Variants in SGCZ observed in about 807,000 individuals in gnomAD.
The protein encoded by SGCZ is zeta-sarcoglycan.
A neutral mutation model predicts 41.3 loss-of-function variants in SGCZ; 40 were observed. The observed-to-expected ratio is 0.97, with a 90% confidence interval of 0.75 to 1.26. The LOEUF (loss-of-function observed/expected upper bound fraction) is 1.26, where lower values mean the gene tolerates loss of function less well. Ranked by LOEUF, SGCZ falls within the 50% of genes most tolerant of loss-of-function variation. SGCZ has a pLI of 0.00. For missense variants in SGCZ, 552 were observed against 369.8 expected (o/e 1.49, Z -4.04); for synonymous variants, 206 against 137.5 (o/e 1.50, Z -3.49).
At chr8:14,413,503 T>C (rs902003908) in intron 2 of SGCZ, among the ~76,000 whole-genome samples, 16 of 152,014 alleles carry the variant, frequency 1.1e-4, no homozygotes, top group Admixed American at 5.3e-4. Flanking sequence ...CTGAGTGCAA[T>C]AATCTTATAC....
intron 1 of SGCZ, among the ~76,000 whole-genome samples, chr8:14,896,914 T>G (rs1805222082): frequency 6.6e-6 from 1 of 152,222 alleles, no homozygotes; most frequent in Non-Finnish European, 1.5e-5. Flanking sequence ...CCTGAGTAGC[T>G]GGGATTACAG....
chr8:14,947,528 G>C (rs1469366358), intron 1 of SGCZ, among the ~76,000 whole-genome samples: 5 of 152,134 alleles, frequency 3.3e-5, no homozygotes, highest in Non-Finnish European at 7.4e-5. Context: ...TGAGGTAAGG[G>C]ACAGTGTTGA....
At chr8:15,016,870 A>G (rs1352544914) in intron 1 of SGCZ, among the ~76,000 whole-genome samples, 1 of 150,234 alleles carries the variant, frequency 6.7e-6, no homozygotes, top group Admixed American at 6.6e-5. Flanking sequence ...GTCATTTGGC[A>G]AGAGAGAGAG....
At position 15,222,942 on chromosome 8, in the gene SGCZ, A is replaced by G. The variant is rs77844376; in HGVS notation, c.39+14643T>C. 2.0e-5 allele frequency among the ~76,000 whole-genome samples: 3 copies of G among 152,318 alleles called. No individual in the cohort carries two copies. The East Asian group carries it at 5.8e-4, about 29-fold the overall frequency. On this transcript the variant is annotated intron_variant, in intron 1 of 7. Coordinates refer to ENST00000382080, the MANE Select transcript of SGCZ (RefSeq NM_139167.4). ...ACATTCAATTTTAGTTACAAATTGC[A>G]TGAGTTTCATGAAAGCATAGTTTGA...
At chr8:14,361,902 C>T (rs894262573) in intron 2 of SGCZ, among the ~76,000 whole-genome samples, 2 of 152,090 alleles carry the variant, frequency 1.3e-5, no homozygotes, top group African/African-American at 2.4e-5. Flanking sequence ...GATGCTGTTC[C>T]TTTCTGTTTG....
At chr8:14,732,942 A>G (rs1264279371) in intron 1 of SGCZ, among the ~76,000 whole-genome samples, 1 of 151,976 alleles carries the variant, frequency 6.6e-6, no homozygotes, top group Non-Finnish European at 1.5e-5. Context: ...ACAAAATAAG[A>G]TTCGCATTGA....
At chr8:14,694,773 C>A (rs1289509214) in intron 1 of SGCZ, among the ~76,000 whole-genome samples, 2 of 152,120 alleles carry the variant, frequency 1.3e-5, no homozygotes, top group Non-Finnish European at 2.9e-5. Context: ...CAAAAATGTT[C>A]TTTTCACATT....
chr8:14,352,161 G>A (rs1021010731), intron 2 of SGCZ, among the ~76,000 whole-genome samples: 1 of 151,982 alleles, frequency 6.6e-6, no homozygotes, highest in Non-Finnish European at 1.5e-5. Context: ...TAAATTTGAA[G>A]TAAAAGAGTT....
At chr8:14,463,471 C>T (rs1210419387) in intron 2 of SGCZ, among the ~76,000 whole-genome samples, 1 of 148,354 alleles carries the variant, frequency 6.7e-6, no homozygotes, top group African/African-American at 2.5e-5. Flanking sequence ...TACTTAATAC[C>T]ATATATAACA....
At chr8:14,239,160 C>G (rs1417078186) in intron 3 of SGCZ, among the ~76,000 whole-genome samples, 3 of 151,624 alleles carry the variant, frequency 2.0e-5, no homozygotes, top group Non-Finnish European at 4.4e-5. Flanking sequence ...AGTTCATGGA[C>G]TAAAGATTGT....
intron 1 of SGCZ, among the ~76,000 whole-genome samples, chr8:15,141,584 G>C (rs1034402455): frequency 6.6e-6 from 1 of 152,180 alleles, no homozygotes; most frequent in East Asian, 1.9e-4. Context: ...TCCTTAGAAG[G>C]CTCTGCCCAA....
At position 14,861,730 on chromosome 8, in the gene SGCZ, C is replaced by A. The variant is rs1200633787; in HGVS notation, c.40-306804G>T. ...TTGCATTTTCATTTTGCACTGGGAC[C>A]CACAAATTATGTTCTTTAGACTTGC... On this transcript the variant is annotated intron_variant, in intron 1 of 7. Transcript: ENST00000382080. Among the ~76,000 whole-genome samples, 6 of 151,906 alleles carry A rather than the reference C, an allele frequency of 3.9e-5. No individual in the cohort carries two copies. In the East Asian group the frequency reaches 1.2e-3, roughly 30 times the overall value.
intron 3 of SGCZ, among the ~76,000 whole-genome samples, chr8:14,263,661 AC>A (rs757898908): frequency 3.9e-5 from 6 of 152,166 alleles, no homozygotes; most frequent in African/African-American, 7.2e-5. Flanking sequence ...TCATCTACCC[AC>A]AGAAACATCA....
chr8:14,677,095 T>C (rs1808301934), intron 1 of SGCZ, among the ~76,000 whole-genome samples: 2 of 152,086 alleles, frequency 1.3e-5, no homozygotes, highest in East Asian at 3.9e-4. Flanking sequence ...AAACCTCTCC[T>C]GGAGCAAATA....
chr8:14,665,573 A>C (rs1807884455), intron 1 of SGCZ, among the ~76,000 whole-genome samples: 1 of 152,162 alleles, frequency 6.6e-6, no homozygotes, highest in Non-Finnish European at 1.5e-5. Flanking sequence ...TCTTATCACT[A>C]TATCTGCAAC....
chr8:14,416,808 G>C (rs960216327), intron 2 of SGCZ, among the ~76,000 whole-genome samples: 1 of 151,808 alleles, frequency 6.6e-6, no homozygotes, highest in Non-Finnish European at 1.5e-5. Context: ...GTAAATTGGA[G>C]AGAGCAATAT....
At chr8:15,019,013 C>T (rs1452986650) in intron 1 of SGCZ, among the ~76,000 whole-genome samples, 1 of 152,176 alleles carries the variant, frequency 6.6e-6, no homozygotes, top group Non-Finnish European at 1.5e-5. Context: ...AAGTGCTACA[C>T]ACTTTTAAAC....
chr8:14,937,566 A>G (rs1216530579), intron 1 of SGCZ, among the ~76,000 whole-genome samples: 1 of 152,060 alleles, frequency 6.6e-6, no homozygotes, highest in Non-Finnish European at 1.5e-5. Flanking sequence ...TTTGAGAGGG[A>G]AGGAAAAACC....
intron 2 of SGCZ, among the ~76,000 whole-genome samples, chr8:14,340,700 T>C (rs1338077265): frequency 6.6e-6 from 1 of 152,206 alleles, no homozygotes; most frequent in Non-Finnish European, 1.5e-5. Flanking sequence ...CATCCACTGA[T>C]AATAGCTAGA....
Sources: allele counts gnomAD v4.1 joint callset (sites outside exome capture counted in the v4.1 genomes callset), GRCh38; gene constraint gnomAD v4.1.1; transcripts MANE v1.5; gene names NCBI Gene and HGNC (gene_info 2026-07-23, HGNC 2026-07-21).